NSRP1: variants seen among roughly 807,000 people sequenced by gnomAD.
The protein encoded by NSRP1 is coiled-coil domain containing 55.
Under a neutral mutation model 54.7 loss-of-function variants are expected in NSRP1, and 24 were observed. That is an observed-to-expected ratio of 0.44 (90% confidence interval 0.32 to 0.62). The LOEUF (loss-of-function observed/expected upper bound fraction) is 0.62. Among genes scored for constraint, NSRP1 ranks in the 20% least tolerant of loss-of-function variants. NSRP1 has a pLI of 0.06. For synonymous variants in NSRP1, 210 were observed against 213.8 expected, an observed-to-expected ratio of 0.98 and a Z score of 0.15; for missense variants, 596 against 651.2, an observed-to-expected ratio of 0.92 and a Z score of 0.92.
At chr17:30,159,843 G>C (rs1257679271) in intron 2 of NSRP1, among the ~76,000 whole-genome samples, 1 of 151,956 alleles carries the variant, frequency 6.6e-6, no homozygotes, top group Non-Finnish European at 1.5e-5. Context: ...TGTATTTTTA[G>C]TAGAGATGGC....
chr17:30,148,320 A>C (rs1431211587), intron 2 of NSRP1, among the ~76,000 whole-genome samples: 1 of 152,162 alleles, frequency 6.6e-6, no homozygotes, highest in Non-Finnish European at 1.5e-5. Flanking sequence ...AATTCACTAA[A>C]ACTTGATTTA....
intron 2 of NSRP1, among the ~76,000 whole-genome samples, chr17:30,124,747 G>A (rs928759191): frequency 6.6e-6 from 1 of 152,144 alleles, no homozygotes; most frequent in Non-Finnish European, 1.5e-5. Context: ...CCTACCTTCC[G>A]GTCAAAGCCA....
chr17:30,141,471 A>G (rs913929409), intron 2 of NSRP1, among the ~76,000 whole-genome samples: 1 of 152,192 alleles, frequency 6.6e-6, no homozygotes, highest in Non-Finnish European at 1.5e-5. Context: ...CATTTTGTCT[A>G]TAAACATGTC....
chr17:30,167,445 C>T (rs1273445748), intron 2 of NSRP1, among the ~76,000 whole-genome samples: 1 of 152,016 alleles, frequency 6.6e-6, no homozygotes, highest in Non-Finnish European at 1.5e-5. Context: ...CTTGTCTCTA[C>T]TAAAAATACA....
At chr17:30,127,764 A>C in intron 2 of NSRP1, 1 of 364,650 alleles carries the variant, frequency 2.7e-6, no homozygotes, top group Non-Finnish European at 4.9e-6. Flanking sequence ...ACTTTAAAAG[A>C]GAGTATTAAG....
chr17:30,122,386 T>TATA (rs1329288159), intron 2 of NSRP1: 2 of 7,162 alleles, frequency 2.8e-4, no homozygotes, highest in African/African-American at 4.3e-4. Context: ...TATATATATA[T>TATA]TTTTTTTTTT....
At chr17:30,151,826 A>G in intron 2 of NSRP1, among the ~76,000 whole-genome samples, 1 of 109,406 alleles carries the variant, frequency 9.1e-6, no homozygotes. Context: ...TTTGTTACCT[A>G]GGCTGGAGTG....
intron 2 of NSRP1, among the ~76,000 whole-genome samples, chr17:30,121,789 C>T (rs917884229): frequency 6.6e-6 from 1 of 152,036 alleles, no homozygotes; most frequent in Non-Finnish European, 1.5e-5. Context: ...AGGCTGGTCT[C>T]GAACCCCTGA....
chr17:30,185,939 T>A lies in NSRP1; in HGVS notation c.*265T>A. On this transcript the variant is annotated 3_prime_UTR_variant, in exon 7 of 7. Coordinates refer to ENST00000247026, the MANE Select transcript of NSRP1 (RefSeq NM_032141.4). ...TAAGAGTGTGCTAATTCCCTGTAGGTACATAATGAGGAAAATTTGCTCCAC... is the reference window on the plus strand; with the variant it reads ...TAAGAGTGTGCTAATTCCCTGTAGGAACATAATGAGGAAAATTTGCTCCAC... 1 of 257,314 alleles carries A rather than the reference T, an allele frequency of 3.9e-6. No homozygotes were observed. Among genetic ancestry groups the A allele is most frequent in the Non-Finnish European group, 7.2e-6 (1 of 137,950 alleles). The allele number at this position is 257,314 out of a possible 1,614,324, so 15.9% of individuals were successfully genotyped here.
chr17:30,173,741 A>G (rs1280776946), intron 3 of NSRP1, among the ~76,000 whole-genome samples: 2 of 152,272 alleles, frequency 1.3e-5, no homozygotes, highest in Non-Finnish European at 2.9e-5. Flanking sequence ...AAATGAAGGC[A>G]AGAAGAATTT....
At chr17:30,184,589 GC>G in intron 6 of NSRP1, 25 bp from the exon 7 acceptor site, 5 of 1,521,500 alleles carry the variant, frequency 3.3e-6, no homozygotes, top group Non-Finnish European at 4.4e-6. Flanking sequence ...ATTTTTTTCT[GC>G]CCTTTTTTGT....
intron 2 of NSRP1, among the ~76,000 whole-genome samples, chr17:30,171,976 C>CCTCTCTCT (rs58666089): frequency 0.02 from 1,641 of 80,310 alleles, 26 homozygotes; most frequent in African/African-American, 0.027. Flanking sequence ...ACACACACTC[C>CCTCTCTCT]CTCTCTCTCT....
chr17:30,141,736 C>T (rs1032818419), intron 2 of NSRP1, among the ~76,000 whole-genome samples: 2 of 152,156 alleles, frequency 1.3e-5, no homozygotes, highest in Non-Finnish European at 2.9e-5. Flanking sequence ...GGCGCAGTGG[C>T]TCATGCTGGT....
intron 2 of NSRP1, among the ~76,000 whole-genome samples, chr17:30,167,729 A>G (rs1468990298): frequency 6.6e-6 from 1 of 152,226 alleles, no homozygotes; most frequent in East Asian, 1.9e-4. Context: ...TCATGATATG[A>G]CTACAATGTA....
chr17:30,184,658 G>A lies in NSRP1; in HGVS notation c.661G>A (p.Val221Ile). ...EEKSRGFSNE[V>I]SSKNRIPQEK... ...AAAATCAAGGGGCTTCTCCAATGAA[G>A]TAAGTTCAAAAAACAGAATACCACA... is the stretch of plus-strand genomic sequence containing the variant. Residue 221 changes from valine to isoleucine, a missense_variant, in exon 7 of 7, where the codon GTA becomes ATA. Physicochemically the swap from Val to Ile is conservative, Grantham distance 29. Coordinates refer to ENST00000247026, the MANE Select transcript of NSRP1 (RefSeq NM_032141.4). 2.5e-6 allele frequency: 4 copies of A among 1,592,202 alleles called. No individual in the cohort carries two copies. Among genetic ancestry groups the A allele is most frequent in the Non-Finnish European group, 3.4e-6 (4 of 1,169,338 alleles).
chr17:30,148,866 T>G (rs1200133970), intron 2 of NSRP1, among the ~76,000 whole-genome samples: 2 of 152,226 alleles, frequency 1.3e-5, no homozygotes, highest in African/African-American at 4.8e-5. Context: ...TTTACTTTTC[T>G]TGATTAATCT....
chr17:30,135,117 C>A (rs114766783), intron 2 of NSRP1, among the ~76,000 whole-genome samples: 1,666 of 151,672 alleles, frequency 0.011, 21 homozygotes, highest in African/African-American at 0.034. Context: ...TGTTTTATTT[C>A]TTTCTTTCTT....
chr17:30,161,243 A>G (rs937459233), intron 2 of NSRP1, among the ~76,000 whole-genome samples: 1 of 152,170 alleles, frequency 6.6e-6, no homozygotes, highest in Non-Finnish European at 1.5e-5. Flanking sequence ...TTAGGTAAAT[A>G]CCTGTGCATG....
chr17:30,170,755 C>T (rs976384140), intron 2 of NSRP1, among the ~76,000 whole-genome samples: 7 of 152,144 alleles, frequency 4.6e-5, no homozygotes, highest in African/African-American at 1.7e-4. Context: ...AGTGAAGCTA[C>T]CTTTACCAGG....
Sources: allele counts gnomAD v4.1 joint callset (sites outside exome capture counted in the v4.1 genomes callset), GRCh38; gene constraint gnomAD v4.1.1; transcripts MANE v1.5; gene names NCBI Gene and HGNC (gene_info 2026-07-23, HGNC 2026-07-21).